The following RUVBL1 variants were observed in gnomAD, a reference collection of about 807,000 sequenced individuals.
RUVBL1 encodes RuvB like AAA ATPase 1, also known as ruvB-like 1.
Under a neutral mutation model 52.4 loss-of-function variants are expected in RUVBL1, and 4 were observed. The ratio of observed to expected loss-of-function variants is 0.08; its 90% CI spans 0.04 to 0.17. The LOEUF is 0.17. Ranked by LOEUF, RUVBL1 falls within the 10% of genes least tolerant of loss-of-function variation. RUVBL1 has a pLI of 1.00. For missense variants in RUVBL1, 298 were observed against 572.8 expected, an observed-to-expected ratio of 0.52 and a Z score of 4.90; for synonymous variants, 217 against 214.4, an observed-to-expected ratio of 1.01 and a Z score of -0.10.
At chr3:128,153,289 G>A (rs1476758604) in exon 1 of RUVBL1, 17 of 1,358,082 alleles carry the variant, frequency 1.3e-5, no homozygotes, top group Non-Finnish European at 1.6e-5. Flanking sequence ...CCACGTGAGA[G>A]AGAAACCCTG....
At position 128,147,654 on chromosome 3, in the gene RUVBL1, C is replaced by CA. The variant is rs1293944903; in HGVS notation, c.-40+5548_-40+5549insT. ...CAAGCGAAACTCTTATACATTGCTG[C>CA]GGGAATGTAAAATGATACAGCCACT... is the stretch of plus-strand genomic sequence containing the variant. On this transcript the variant is annotated intron_variant, in intron 1 of 9. Transcript: ENST00000464873. Among the ~76,000 whole-genome samples, 7 of 152,224 alleles carry CA rather than the reference C, an allele frequency of 4.6e-5. No individual in the cohort carries two copies. The East Asian group carries it at 5.8e-4, about 13-fold the overall frequency.
At position 128,067,917 on chromosome 3, in the gene RUVBL1, C is replaced by G. The variant is rs1942033862; in HGVS notation, c.940-2697G>C. ...AGAGGCGATCTGTAACTGTTCAGTA[C>G]CACTTGGAATGCCTATTTCCCCTTC... is the stretch of plus-strand genomic sequence containing the variant. On this transcript the variant is annotated intron_variant, in intron 9 of 9. Transcript: ENST00000464873. The surrounding 1 kb of genome is among the most constrained non-coding windows in gnomAD (Gnocchi z 4.1). The G allele has an allele frequency of 1.6e-6, 2 of 1,259,262 alleles. No individual in the cohort carries two copies. The highest frequency in any genetic ancestry group is 1.2e-5 in the South Asian group (1 of 83,864). The allele number at this position is 1,259,262 out of a possible 1,614,324, so 78.0% of individuals were successfully genotyped here.
At chr3:128,131,479 AAAAAC>A (rs1238682068) in intron 1 of RUVBL1, among the ~76,000 whole-genome samples, 1 of 152,104 alleles carries the variant, frequency 6.6e-6, no homozygotes, top group Non-Finnish European at 1.5e-5. Context: ...CTCCATCTCA[AAAAAC>A]AAAACAAAAC....
At chr3:128,136,883 C>A (rs749585584) in intron 1 of RUVBL1, among the ~76,000 whole-genome samples, 2 of 152,078 alleles carry the variant, frequency 1.3e-5, no homozygotes, top group Non-Finnish European at 2.9e-5. Flanking sequence ...ATATATGCAT[C>A]CAACATTCGA....
rs372747593 is a variant in RUVBL1 at position 128,081,401 on chromosome 3, A to C, written c.1220T>G (p.Val407Gly). ...IGTKTTLRYS[V>G]QLLTPANLLA... is the part of the protein sequence containing the mutation. ...CAAGTTGGCCGGGGTCAGCAGCTGC[A>C]CTGAGTACCTAGAGTGGACAGGGGC... Residue 407 changes from valine (V) to glycine (G), a missense_variant, in exon 11 of 11, where the codon GTG becomes GGG. Val to Gly is a moderately radical substitution (Grantham distance 109). Transcript: ENST00000322623. This position sits in a 1 kb window ranked among gnomAD's most constrained non-coding sequence, Gnocchi z 4.8. The C allele has an allele frequency of 7.4e-6, 12 of 1,613,958 alleles. No homozygotes were observed. Among genetic ancestry groups the C allele is most frequent in the Non-Finnish European group, 8.5e-7 (1 of 1,179,858 alleles).
Position 128,082,204 on chromosome 3 carries a change from TCTC to T in RUVBL1, c.1211+276_1211+278del. On this transcript the variant is annotated intron_variant, in intron 10 of 10. Coordinates refer to ENST00000322623, the MANE Select transcript of RUVBL1 (RefSeq NM_003707.3). This position sits in a 1 kb window ranked among gnomAD's most constrained non-coding sequence, Gnocchi z 4.7. ...CCCTGCTCTCTAGTTCTGTGCATCTTCTCTGCCACAAGAAGGCCCAGGGTCAAA... is the reference window on the plus strand; with the variant it reads ...CCCTGCTCTCTAGTTCTGTGCATCTTTGCCACAAGAAGGCCCAGGGTCAAA... The T allele has an allele frequency of 2.5e-6, 1 of 404,276 alleles. No individual in the cohort carries two copies. The highest frequency in any genetic ancestry group is 4.5e-6 in the Non-Finnish European group (1 of 222,072). The allele number at this position is 404,276 out of a possible 1,614,324, so 25.0% of individuals were successfully genotyped here.
At position 128,150,884 on chromosome 3, in the gene RUVBL1, T is replaced by TATTATATATATA. The variant is rs1559841588; in HGVS notation, c.-40+2318_-40+2319insTATATATATAAT. Reference sequence around the variant, plus strand: ...ATATATTATATATATATATTCTATATATATATTCTATATATATAATATAAT... The same window carrying TATTATATATATA: ...ATATATTATATATATATATTCTATATATTATATATATAATATATTCTATATATATAATATAAT... On this transcript the variant is annotated intron_variant, in intron 1 of 9. Transcript: ENST00000464873. Among the ~76,000 whole-genome samples, 25 of 85,278 alleles carry TATTATATATATA rather than the reference T, an allele frequency of 2.9e-4. 1 individual carries two copies. The highest frequency in any genetic ancestry group is 1.7e-3 in the South Asian group (5 of 2,890). 55.9% of individuals were successfully genotyped at this position (85,278 alleles called of 152,430 possible).
intron 1 of RUVBL1, among the ~76,000 whole-genome samples, chr3:128,129,550 C>T (rs2107727401): frequency 6.6e-6 from 1 of 152,102 alleles, no homozygotes; most frequent in African/African-American, 2.4e-5. Context: ...AAATCCAAAA[C>T]TAGCAAAAGA....
intron 8 of RUVBL1, 43 bp downstream of exon 8, chr3:128,097,257 T>A: frequency 2.6e-6 from 4 of 1,562,314 alleles, no homozygotes; most frequent in Non-Finnish European, 3.5e-6. Context: ...TGAGCCCAGA[T>A]GGAAGTTAAA....
intron 8 of RUVBL1, among the ~76,000 whole-genome samples, chr3:128,093,476 T>C (rs1230780823): frequency 2.6e-5 from 4 of 152,074 alleles, no homozygotes; most frequent in Non-Finnish European, 5.9e-5. Context: ...TTATATGAAT[T>C]ATGTCTCCAT....
chr3:128,151,868 C>G (rs1316771207), intron 1 of RUVBL1, among the ~76,000 whole-genome samples: 1 of 152,180 alleles, frequency 6.6e-6, no homozygotes, highest in Non-Finnish European at 1.5e-5. Flanking sequence ...TCTGGCTCAT[C>G]ACAGAGGGCA....
At chr3:128,131,570 T>A (rs1456139355) in intron 1 of RUVBL1, among the ~76,000 whole-genome samples, 2 of 152,096 alleles carry the variant, frequency 1.3e-5, no homozygotes, top group Non-Finnish European at 2.9e-5. Flanking sequence ...TGAATATAGA[T>A]GCAACAATTC....
rs1330942682 is a variant in RUVBL1 at position 128,082,346 on chromosome 3, C to T, written c.1211+137G>A. On this transcript the variant is annotated intron_variant, in intron 10 of 10. Coordinates refer to ENST00000322623, the MANE Select transcript of RUVBL1 (RefSeq NM_003707.3). The surrounding 1 kb of genome is among the most constrained non-coding windows in gnomAD (Gnocchi z 4.7). The stretch of plus-strand genomic sequence containing the variant: ...TGCATTTGAAACTCAAGTGCCCTGG[C>T]ACCCATCGCGCCAGGAAGAGCGGAT... The T allele has an allele frequency of 2.0e-5, 13 of 657,710 alleles. No individual in the cohort carries two copies. The African/African-American group carries it at 2.0e-4, about 10-fold the overall frequency. 40.7% of individuals were successfully genotyped at this position (657,710 alleles called of 1,614,324 possible).
In RUVBL1 at chr3:128,081,640, C is replaced by T; in HGVS notation, c.1212-231G>A. ...CACCAAGAAGACATAAGTGCTATTC[C>T]CCAAATCTTTAGTACAGTCTACAAA... On this transcript the variant is annotated intron_variant, in intron 10 of 10. Coordinates refer to ENST00000322623, the MANE Select transcript of RUVBL1 (RefSeq NM_003707.3). The surrounding 1 kb of genome is among the most constrained non-coding windows in gnomAD (Gnocchi z 4.8). The T allele has an allele frequency of 1.9e-6, 1 of 518,364 alleles. No homozygotes were observed. Among genetic ancestry groups the T allele is most frequent in the East Asian group, 3.0e-5 (1 of 33,236 alleles). The allele number at this position is 518,364 out of a possible 1,614,324, so 32.1% of individuals were successfully genotyped here.
Position 128,097,503 on chromosome 3 carries a change from G to A in RUVBL1, c.818-5C>T. On this transcript the variant is annotated splice_region_variant and splice_polypyrimidine_tract_variant and intron_variant, in intron 7 of 10. Transcript: ENST00000322623. The stretch of plus-strand genomic sequence containing the variant: ...TAATCTCCCCTCGAAGTTTGTCTAG[G>A]AGATGCAAGGATGGGCAGGCAAGGT... 6.2e-7 allele frequency: 1 copy of A among 1,614,092 alleles called. No individual in the cohort carries two copies. Among genetic ancestry groups the A allele is most frequent in the Non-Finnish European group, 8.5e-7 (1 of 1,179,954 alleles).
intron 9 of RUVBL1, chr3:128,084,031 T>C (rs1315859541): frequency 1.3e-5 from 2 of 152,720 alleles, no homozygotes; most frequent in Non-Finnish European, 2.9e-5. Flanking sequence ...TGAGCTGAGA[T>C]TGGGCCGTTG....
At chr3:128,126,500 C>T (rs1302971731), upstream of RUVBL1, among the ~76,000 whole-genome samples, 2 of 151,104 alleles carry the variant, frequency 1.3e-5, no homozygotes, top group South Asian at 2.1e-4. Flanking sequence ...GAGCCGAGAT[C>T]GTGCCATTGC....
chr3:128,107,406 A>G (rs1175607499), intron 3 of RUVBL1, among the ~76,000 whole-genome samples: 1 of 152,250 alleles, frequency 6.6e-6, no homozygotes, highest in African/African-American at 2.4e-5. Flanking sequence ...GGGTGGCTTG[A>G]TAAGGATTTG....
At chr3:128,147,332 A>G (rs2107738379) in intron 1 of RUVBL1, among the ~76,000 whole-genome samples, 1 of 152,146 alleles carries the variant, frequency 6.6e-6, no homozygotes, top group East Asian at 1.9e-4. Flanking sequence ...GGCCTCCCAA[A>G]ATGCTGGGAT....
Sources: allele counts gnomAD v4.1 joint callset (sites outside exome capture counted in the v4.1 genomes callset), GRCh38; gene constraint gnomAD v4.1.1; non-coding constraint Gnocchi (gnomAD v3.1); transcripts MANE v1.5; gene names NCBI Gene and HGNC (gene_info 2026-07-23, HGNC 2026-07-21).